The following PARD3B variants were observed in gnomAD, a reference collection of about 807,000 sequenced individuals.
PARD3B encodes the protein par-3 family cell polarity regulator beta.
A neutral mutation model predicts 130.2 loss-of-function variants in PARD3B; 103 were observed. The observed-to-expected ratio is 0.79, with a 90% confidence interval of 0.67 to 0.93. The LOEUF is 0.93. Among genes scored for constraint, PARD3B ranks in the 40% least tolerant of loss-of-function variants. The pLI is 0.00. For missense variants in PARD3B, 1,609 were observed against 1,499.2 expected (o/e 1.07, Z -1.21); for synonymous variants, 583 against 553.2 (o/e 1.05, Z -0.76).
chr2:205,521,513 T>G (rs929562044), intron 21 of PARD3B, among the ~76,000 whole-genome samples: 1 of 151,906 alleles, frequency 6.6e-6, no homozygotes, highest in African/African-American at 2.4e-5. Context: ...GACTAGTTTT[T>G]TCACATACCA....
intron 2 of PARD3B, among the ~76,000 whole-genome samples, chr2:204,739,933 A>G (rs773603608): frequency 7.9e-5 from 12 of 151,762 alleles, no homozygotes; most frequent in Middle Eastern, 3.4e-3. Context: ...GAAATATACA[A>G]TGCCCCTTTT....
At chr2:204,607,100 T>A (rs1049433571) in intron 1 of PARD3B, among the ~76,000 whole-genome samples, 1 of 152,146 alleles carries the variant, frequency 6.6e-6, no homozygotes, top group African/African-American at 2.4e-5. Flanking sequence ...TCACTAGGGT[T>A]CTGAGTTCTA....
intron 15 of PARD3B, among the ~76,000 whole-genome samples, chr2:205,210,905 G>T (rs990997998): frequency 4.6e-5 from 7 of 152,040 alleles, no homozygotes; most frequent in African/African-American, 1.7e-4. Flanking sequence ...GAATTAAAAT[G>T]TTACTCTACA....
chr2:205,326,188 C>A (rs1284242598), intron 18 of PARD3B, among the ~76,000 whole-genome samples: 1 of 152,154 alleles, frequency 6.6e-6, no homozygotes, highest in Non-Finnish European at 1.5e-5. Context: ...CTGTGAAAAA[C>A]CGCATACTGA....
rs996109125 is a variant in PARD3B at position 205,440,082 on chromosome 2, G to A, written c.2742-288G>A. ...CACATGCCATCTGTGGGGAGGGAAT[G>A]TGAATGAAAACAGCCTCTGAAGCTA... On this transcript the variant is annotated intron_variant, in intron 19 of 22. Coordinates refer to ENST00000406610, the MANE Select transcript of PARD3B (RefSeq NM_001302769.2). This position sits in a 1 kb window ranked among gnomAD's most constrained non-coding sequence, Gnocchi z 4.2. 2.0e-5 allele frequency among the ~76,000 whole-genome samples: 3 copies of A among 152,186 alleles called. No individual in the cohort carries two copies. Among genetic ancestry groups the A allele is most frequent in the African/African-American group, 7.2e-5 (3 of 41,454 alleles).
chr2:204,575,754 G>C (rs996094714), intron 1 of PARD3B, among the ~76,000 whole-genome samples: 1 of 152,168 alleles, frequency 6.6e-6, no homozygotes, highest in African/African-American at 2.4e-5. Flanking sequence ...AGGTGTGCTT[G>C]GTTGATTTAA....
chr2:204,834,359 A>AGAATATGATT (rs1376155794), intron 2 of PARD3B, among the ~76,000 whole-genome samples: 7 of 152,234 alleles, frequency 4.6e-5, no homozygotes, highest in Admixed American at 4.6e-4. Flanking sequence ...GGAAGTAATA[A>AGAATATGATT]GAATATGATT....
At chr2:204,790,723 A>AT (rs1559147109) in intron 2 of PARD3B, among the ~76,000 whole-genome samples, 1 of 152,136 alleles carries the variant, frequency 6.6e-6, no homozygotes, top group Non-Finnish European at 1.5e-5. Flanking sequence ...TGTTGTTTTT[A>AT]TTTTTTACTT....
chr2:205,028,919 T>G (rs1390799599), intron 3 of PARD3B, among the ~76,000 whole-genome samples: 1 of 152,188 alleles, frequency 6.6e-6, no homozygotes, highest in Non-Finnish European at 1.5e-5. Flanking sequence ...TAGAAAACAA[T>G]TCCATTTACA....
chr2:204,682,702 A>G (rs930743724), intron 1 of PARD3B, among the ~76,000 whole-genome samples: 1 of 152,150 alleles, frequency 6.6e-6, no homozygotes, highest in African/African-American at 2.4e-5. Context: ...CCTCGCTGCC[A>G]TTGCAGGCTG....
chr2:205,339,804 G>A (rs1423834977), intron 18 of PARD3B, among the ~76,000 whole-genome samples: 1 of 152,086 alleles, frequency 6.6e-6, no homozygotes, highest in African/African-American at 2.4e-5. Flanking sequence ...ATTTTATATA[G>A]AGAATAACTG....
chr2:204,911,543 T>A (rs1263582418), intron 2 of PARD3B, among the ~76,000 whole-genome samples: 1 of 152,222 alleles, frequency 6.6e-6, no homozygotes, highest in Non-Finnish European at 1.5e-5. Flanking sequence ...AGTTCTCCAT[T>A]TCATAAAGGT....
In PARD3B at chr2:205,314,677, A is replaced by G. The variant is rs574008684; in HGVS notation, c.2630+12976A>G. On this transcript the variant is annotated intron_variant, in intron 18 of 22. Coordinates refer to ENST00000406610, the MANE Select transcript of PARD3B (RefSeq NM_001302769.2). ...AATATTTCATTGCACATTGAGGACT[A>G]TTATCTCAATCCTGCTAAATAATAT... is the stretch of plus-strand genomic sequence containing the variant. 4.9e-4 allele frequency among the ~76,000 whole-genome samples: 74 copies of G among 152,338 alleles called. 1 individual carries two copies. The South Asian group carries it at 0.015, about 30-fold the overall frequency.
intron 1 of PARD3B, among the ~76,000 whole-genome samples, chr2:204,617,981 TTG>T (rs953121955): frequency 3.9e-5 from 6 of 152,210 alleles, no homozygotes; most frequent in Non-Finnish European, 8.8e-5. Context: ...GTCTTTGTGA[TTG>T]TGAATAGTGC....
At chr2:205,145,421 A>G (rs2125682343) in intron 10 of PARD3B, among the ~76,000 whole-genome samples, 1 of 152,384 alleles carries the variant, frequency 6.6e-6, no homozygotes, top group African/African-American at 2.4e-5. Flanking sequence ...TACAAATTTC[A>G]GAACGTACCT....
rs1163399780 is a variant in PARD3B at position 205,253,219 on chromosome 2, G to A, written c.2185+7397G>A. ...AGGTGTTGACCAGCAATTTCCTGCG[G>A]CATTTACTTCTTGATAACAAGAGTG... On this transcript the variant is annotated intron_variant, in intron 16 of 22. Transcript: ENST00000406610. This position sits in a 1 kb window ranked among gnomAD's most constrained non-coding sequence, Gnocchi z 4.4. The A allele has an allele frequency of 4.8e-6, 2 of 414,722 alleles. No homozygotes were observed. The highest frequency in any genetic ancestry group is 6.6e-5 in the East Asian group (1 of 15,260). The allele number at this position is 414,722 out of a possible 1,614,324, so 25.7% of individuals were successfully genotyped here.
chr2:205,285,958 T>C (rs2041380246), intron 16 of PARD3B, among the ~76,000 whole-genome samples: 1 of 152,162 alleles, frequency 6.6e-6, no homozygotes, highest in Admixed American at 6.5e-5. Context: ...TACGTGTATA[T>C]AGAGTACACT....
intron 15 of PARD3B, among the ~76,000 whole-genome samples, chr2:205,207,441 A>G (rs2037381311): frequency 6.7e-6 from 1 of 148,802 alleles, no homozygotes; most frequent in Admixed American, 6.6e-5. Flanking sequence ...TGGTTTTTTG[A>G]AAGGATCAAC....
chr2:205,567,107 G>A (rs2053367050), intron 22 of PARD3B, among the ~76,000 whole-genome samples: 1 of 152,078 alleles, frequency 6.6e-6, no homozygotes, highest in South Asian at 2.1e-4. Flanking sequence ...AAATATTAAA[G>A]GGTAAAGAGG....
Sources: allele counts gnomAD v4.1 joint callset (sites outside exome capture counted in the v4.1 genomes callset), GRCh38; gene constraint gnomAD v4.1.1; non-coding constraint Gnocchi (gnomAD v3.1); transcripts MANE v1.5; gene names NCBI Gene and HGNC (gene_info 2026-07-23, HGNC 2026-07-21).